TECR: variants seen among roughly 807,000 people sequenced by gnomAD.
TECR encodes very-long-chain enoyl-CoA reductase.
A neutral mutation model predicts 50.6 loss-of-function variants in TECR; 19 were observed. That is an observed-to-expected ratio of 0.38 (90% CI 0.26 to 0.55). The LOEUF (loss-of-function observed/expected upper bound fraction) is 0.55. TECR is among the 20% of genes least tolerant of loss of function. The probability of loss-of-function intolerance (pLI) is 0.79; values close to 1 mark genes in which losing one functional copy is unlikely to be tolerated. For synonymous variants in TECR, 168 were observed against 163.5 expected (o/e 1.03, Z -0.21); for missense variants, 313 against 408.3 (o/e 0.77, Z 2.01).
At chr19:14,564,570 G>A in intron 7 of TECR, 6 of 19,604 alleles carry the variant, frequency 3.1e-4, no homozygotes, top group East Asian at 9.7e-4. Context: ...GCAGAGCCCC[G>A]CCCCAGTTTC....
intron 1 of TECR, among the ~76,000 whole-genome samples, chr19:14,555,118 A>G (rs1034018954): frequency 1.3e-5 from 2 of 149,556 alleles, no homozygotes; most frequent in Non-Finnish European, 3.0e-5. Context: ...TTTGTCCCCC[A>G]GGCAGGGGTG....
At chr19:14,546,408 G>A (rs1399039845) in intron 1 of TECR, among the ~76,000 whole-genome samples, 1 of 152,056 alleles carries the variant, frequency 6.6e-6, no homozygotes. Flanking sequence ...TCAACATGCT[G>A]AAACCCCTCT....
chr19:14,546,240 C>T lies in TECR; in HGVS notation c.16-16285C>T, dbSNP rs8107751. On this transcript the variant is annotated intron_variant, in intron 1 of 12. Coordinates refer to ENST00000215567, the MANE Select transcript of TECR (RefSeq NM_138501.6). ...ATAGATCACACTGAAAGTTTTTGGG[C>T]ATCTAACTCAGAAGGAATTCTAGAT... 6.7e-3 allele frequency among the ~76,000 whole-genome samples: 1,021 copies of T among 151,896 alleles called. 13 individuals are homozygous for T. The highest frequency in any genetic ancestry group is 0.023 in the African/African-American group (973 of 41,488).
At chr19:14,536,706 A>G (rs2072911249) in intron 1 of TECR, 1 of 152,080 alleles carries the variant, frequency 6.6e-6, no homozygotes. Flanking sequence ...TAGGGTATTT[A>G]CATCACGGAA....
intron 1 of TECR, chr19:14,533,941 C>G (rs1235621594): frequency 6.6e-6 from 1 of 151,970 alleles, no homozygotes; most frequent in Non-Finnish European, 1.5e-5. Flanking sequence ...AGATGAGACT[C>G]AAAGCAATGA....
At chr19:14,552,062 C>G (rs2073542155) in intron 1 of TECR, among the ~76,000 whole-genome samples, 2 of 151,016 alleles carry the variant, frequency 1.3e-5, no homozygotes, top group Non-Finnish European at 3.0e-5. Context: ...CAGCCTTGAC[C>G]TCCTGGGCTC....
intron 1 of TECR, among the ~76,000 whole-genome samples, chr19:14,559,497 A>G (rs1330922081): frequency 2.0e-5 from 3 of 152,120 alleles, no homozygotes; most frequent in Non-Finnish European, 4.4e-5. Flanking sequence ...TTACTTAGAA[A>G]TAATTATAGG....
At chr19:14,562,609 G>C in intron 2 of TECR, 34 bp downstream of exon 2, 1 of 1,612,564 alleles carries the variant, frequency 6.2e-7, no homozygotes, top group South Asian at 1.1e-5. Context: ...CTGGGCCAAG[G>C]GCACTGGGCC....
chr19:14,551,691 T>C (rs2073512077), intron 1 of TECR, among the ~76,000 whole-genome samples: 1 of 151,956 alleles, frequency 6.6e-6, no homozygotes, highest in Non-Finnish European at 1.5e-5. Flanking sequence ...GACCTTTTGC[T>C]CTGGTACAGC....
chr19:14,557,922 A>T (rs932908266), intron 1 of TECR, among the ~76,000 whole-genome samples: 4 of 150,616 alleles, frequency 2.7e-5, no homozygotes, highest in Non-Finnish European at 5.9e-5. Context: ...CACCCGGCTA[A>T]TTTTTTGTAT....
upstream of TECR, among the ~76,000 whole-genome samples, chr19:14,528,235 ATTTCTT>A (rs1318267252): frequency 7.2e-6 from 1 of 139,692 alleles, no homozygotes; most frequent in Non-Finnish European, 1.5e-5. Flanking sequence ...GACCAGTCCC[ATTTCTT>A]TTTCTTTTTT....
chr19:14,549,807 G>T lies in TECR; in HGVS notation c.16-12718G>T, dbSNP rs2073431192. Among the ~76,000 whole-genome samples the T allele has an allele frequency of 2.6e-5, 4 of 152,080 alleles. No individual in the cohort carries two copies. The South Asian group carries it at 8.4e-4, about 32-fold the overall frequency. ...AAAATACAAAAATTAGCTGGGCATG[G>T]TGGCATGCACCCGTAATCCCAGCTA... On this transcript the variant is annotated intron_variant, in intron 1 of 12. Coordinates refer to ENST00000215567, the MANE Select transcript of TECR (RefSeq NM_138501.6).
rs1226817361 is a variant in TECR, at chr19:14,563,294, C to G, written c.118+37C>G. ...TCCCGGCCACACTGCCCCTGCAACC[C>G]CTTTGACCAGGGACCTTAGGGTGGG... On this transcript the variant is annotated intron_variant, in intron 3 of 12. Coordinates refer to ENST00000215567, the MANE Select transcript of TECR (RefSeq NM_138501.6). This position sits in a 1 kb window ranked among gnomAD's most constrained non-coding sequence, Gnocchi z 5.3. 1 of 1,576,542 alleles carries G rather than the reference C, an allele frequency of 6.3e-7. No individual in the cohort carries two copies. The highest frequency in any genetic ancestry group is 1.3e-5 in the African/African-American group (1 of 74,174).
intron 1 of TECR, among the ~76,000 whole-genome samples, chr19:14,559,850 T>TC (rs1430102471): frequency 6.6e-6 from 1 of 151,198 alleles, no homozygotes; most frequent in Non-Finnish European, 1.5e-5. Flanking sequence ...GGTCTCCTGC[T>TC]CCCCCCAGAG....
chr19:14,562,515 C>G lies in TECR; in HGVS notation c.16-10C>G. On this transcript the variant is annotated splice_polypyrimidine_tract_variant and intron_variant, in intron 1 of 12. Transcript: ENST00000215567. ...CCAAGAAACCTAAAAAGGCTGTTCT[C>G]TTCTTCGAGGTGGAGATTCTGGACG... The G allele has an allele frequency of 6.2e-7, 1 of 1,614,234 alleles. No individual in the cohort carries two copies. Among genetic ancestry groups the G allele is most frequent in the Non-Finnish European group, 8.5e-7 (1 of 1,180,018 alleles).
At chr19:14,562,131 A>G in intron 1 of TECR, 2 of 542,810 alleles carry the variant, frequency 3.7e-6, no homozygotes, top group South Asian at 4.7e-5. Flanking sequence ...GGTCTGTGGC[A>G]TGGCTCCTGG....
intron 1 of TECR, among the ~76,000 whole-genome samples, chr19:14,539,512 C>T (rs1318758838): frequency 2.0e-5 from 3 of 152,104 alleles, no homozygotes; most frequent in African/African-American, 7.2e-5. Flanking sequence ...TGACTGTTCC[C>T]CACCGAGCCA....
intron 1 of TECR, among the ~76,000 whole-genome samples, chr19:14,548,481 G>A (rs1035874813): frequency 2.1e-4 from 32 of 152,154 alleles, no homozygotes; most frequent in Non-Finnish European, 3.5e-4. Context: ...CCTCACTGCC[G>A]TTACCAGGCC....
chr19:14,541,856 C>T (rs902351297), intron 1 of TECR, among the ~76,000 whole-genome samples: 3 of 150,564 alleles, frequency 2.0e-5, no homozygotes, highest in African/African-American at 7.3e-5. Flanking sequence ...AATCTTGGGT[C>T]ACTGCAACCT....
Sources: gnomAD v4.1 joint callset for allele counts (sites outside exome capture counted in the v4.1 genomes callset) on GRCh38, gnomAD v4.1.1 for gene constraint, Gnocchi (gnomAD v3.1) non-coding constraint, MANE v1.5 for transcripts, NCBI Gene and HGNC (gene_info 2026-07-23, HGNC 2026-07-21) for gene names.